The following ATRNL1 variants were observed in gnomAD, a reference collection of about 807,000 sequenced individuals.
The protein encoded by ATRNL1 is attractin-like protein 1.
ATRNL1 carries 95 observed loss-of-function variants against 182.7 expected under a neutral mutation model. That is an observed-to-expected ratio of 0.52 (90% CI 0.44 to 0.62). The LOEUF (loss-of-function observed/expected upper bound fraction) is 0.62, where lower values mean the gene tolerates loss of function less well. Ranked by LOEUF, ATRNL1 falls within the 20% of genes least tolerant of loss-of-function variation. ATRNL1 has a pLI of 0.00. For missense variants in ATRNL1, 1,471 were observed against 1,679.5 expected (o/e 0.88, Z 2.17); for synonymous variants, 576 against 568.3 (o/e 1.01, Z -0.19).
At position 115,792,686 on chromosome 10, in the gene ATRNL1, G is replaced by GA. The variant is rs139644580; in HGVS notation, c.3904-55184dup. On this transcript the variant is annotated intron_variant, in intron 27 of 28. Transcript: ENST00000355044. The stretch of plus-strand genomic sequence containing the variant: ...ATAAAGGATATTCAAAATGTTATAT[G>GA]AAAAAAATATAAGTTTTTCTTTAGT... 1.7e-3 allele frequency among the ~76,000 whole-genome samples: 251 copies of GA among 151,882 alleles called. 11 individuals are homozygous for GA. The South Asian group carries it at 0.05, about 30-fold the overall frequency.
chr10:115,888,057 A>C (rs932224937), intron 28 of ATRNL1, among the ~76,000 whole-genome samples: 1 of 152,162 alleles, frequency 6.6e-6, no homozygotes, highest in Non-Finnish European at 1.5e-5. Context: ...TAAAGACAGA[A>C]ATCTGTAAGG....
At chr10:115,841,143 G>A (rs552368179) in intron 27 of ATRNL1, among the ~76,000 whole-genome samples, 3 of 152,150 alleles carry the variant, frequency 2.0e-5, no homozygotes, top group African/African-American at 7.2e-5. Context: ...CCTATTAACA[G>A]TCATGTTATT....
chr10:115,254,837 T>G (rs1277360647), intron 10 of ATRNL1, among the ~76,000 whole-genome samples: 1 of 152,208 alleles, frequency 6.6e-6, no homozygotes, highest in Admixed American at 6.5e-5. Context: ...GGGATCCAGT[T>G]TCAGCTTTCT....
At chr10:115,740,601 G>C (rs1948109141) in intron 27 of ATRNL1, among the ~76,000 whole-genome samples, 1 of 152,104 alleles carries the variant, frequency 6.6e-6, no homozygotes, top group Admixed American at 6.6e-5. Context: ...CACCTCCCGG[G>C]TTCATGCAAT....
chr10:115,171,001 TA>T, intron 7 of ATRNL1, 35 bp from the exon 8 acceptor site: 1 of 1,240,406 alleles, frequency 8.1e-7, no homozygotes, highest in Non-Finnish European at 1.1e-6. Flanking sequence ...GATATAACAT[TA>T]TTTTATCTAT....
intron 28 of ATRNL1, among the ~76,000 whole-genome samples, chr10:115,937,854 C>T (rs901973248): frequency 2.6e-5 from 4 of 152,166 alleles, no homozygotes; most frequent in Admixed American, 1.3e-4. Flanking sequence ...TAAAACATTT[C>T]GGCAGGGCAA....
chr10:115,547,520 G>T (rs1592832447), intron 25 of ATRNL1, among the ~76,000 whole-genome samples: 1 of 151,988 alleles, frequency 6.6e-6, no homozygotes, highest in South Asian at 2.1e-4. Flanking sequence ...TTAAATTGAG[G>T]TCGTAGTTGA....
chr10:115,761,254 T>G (rs1306603165), intron 27 of ATRNL1, among the ~76,000 whole-genome samples: 6 of 152,208 alleles, frequency 3.9e-5, no homozygotes, highest in Non-Finnish European at 5.9e-5. Flanking sequence ...AAACACATAT[T>G]AAAGAAGCCA....
intron 28 of ATRNL1, among the ~76,000 whole-genome samples, chr10:115,911,044 G>T (rs782324582): frequency 1.3e-5 from 2 of 151,672 alleles, no homozygotes; most frequent in Non-Finnish European, 2.9e-5. Context: ...TCACTTTGTC[G>T]CCCAGGCTGG....
chr10:115,339,754 G>A (rs1384208315), intron 19 of ATRNL1, among the ~76,000 whole-genome samples: 1 of 152,112 alleles, frequency 6.6e-6, no homozygotes, highest in Non-Finnish European at 1.5e-5. Context: ...TAACAGTGGT[G>A]AAAGTGGGCA....
intron 27 of ATRNL1, among the ~76,000 whole-genome samples, chr10:115,730,011 C>T (rs1555062155): frequency 1.3e-5 from 2 of 151,786 alleles, no homozygotes; most frequent in African/African-American, 4.8e-5. Context: ...AATCCCAGCA[C>T]TTTGGGAGGC....
rs1847628579 is a variant in ATRNL1, at chr10:115,178,648, T to C, written c.1348+7356T>C. On this transcript the variant is annotated intron_variant, in intron 8 of 28. Coordinates refer to ENST00000355044, the MANE Select transcript of ATRNL1 (RefSeq NM_207303.4). Reference sequence around the variant, plus strand: ...GGGTGTGATTAAGTCAGGATGGCTCTGCTGTCATGAGTGGATTAGTGCCTT... The same window carrying C: ...GGGTGTGATTAAGTCAGGATGGCTCCGCTGTCATGAGTGGATTAGTGCCTT... Among the ~76,000 whole-genome samples the C allele has an allele frequency of 3.3e-5, 5 of 152,258 alleles. No homozygotes were observed. In the South Asian group the frequency reaches 1.0e-3, roughly 32 times the overall value.
At chr10:115,214,257 G>A (rs541172286) in intron 8 of ATRNL1, among the ~76,000 whole-genome samples, 1 of 151,510 alleles carries the variant, frequency 6.6e-6, no homozygotes, top group Non-Finnish European at 1.5e-5. Flanking sequence ...TAAGGATCAA[G>A]TTTATCTTTA....
intron 26 of ATRNL1, among the ~76,000 whole-genome samples, chr10:115,678,632 G>A (rs1418286787): frequency 6.6e-6 from 1 of 152,046 alleles, no homozygotes; most frequent in Non-Finnish European, 1.5e-5. Flanking sequence ...TAACATTAAA[G>A]ACAGAAGTTT....
intron 20 of ATRNL1, among the ~76,000 whole-genome samples, chr10:115,424,744 A>G (rs1565028656): frequency 6.6e-6 from 1 of 152,126 alleles, no homozygotes; most frequent in Non-Finnish European, 1.5e-5. Flanking sequence ...AGTTGAGAGT[A>G]GAATTGTGGT....
intron 27 of ATRNL1, among the ~76,000 whole-genome samples, chr10:115,816,671 T>A (rs1298086130): frequency 2.0e-5 from 3 of 151,922 alleles, no homozygotes; most frequent in African/African-American, 7.2e-5. Context: ...ACCTGTTAAG[T>A]TTCAGTCCTC....
intron 27 of ATRNL1, among the ~76,000 whole-genome samples, chr10:115,746,273 A>C (rs1948289459): frequency 1.3e-5 from 2 of 152,094 alleles, no homozygotes; most frequent in Non-Finnish European, 2.9e-5. Context: ...ATTAGTATTG[A>C]AAATAATTAT....
chr10:115,756,996 T>G (rs1555072215), intron 27 of ATRNL1, among the ~76,000 whole-genome samples: 1 of 152,114 alleles, frequency 6.6e-6, no homozygotes, highest in Non-Finnish European at 1.5e-5. Context: ...CTTTTTTTTG[T>G]TTTGCATTTG....
chr10:115,531,669 T>C (rs1851592690), intron 25 of ATRNL1, among the ~76,000 whole-genome samples: 1 of 151,216 alleles, frequency 6.6e-6, no homozygotes, highest in African/African-American at 2.4e-5. Flanking sequence ...TTTGTTGCCA[T>C]TGCTTTTGGT....
Sources: gnomAD v4.1 joint callset for allele counts (sites outside exome capture counted in the v4.1 genomes callset) on GRCh38, gnomAD v4.1.1 for gene constraint, MANE v1.5 for transcripts, NCBI Gene and HGNC (gene_info 2026-07-23, HGNC 2026-07-21) for gene names.